The following MXRA7 variants were observed in gnomAD, a reference collection of about 807,000 sequenced individuals.
MXRA7 encodes matrix-remodeling-associated protein 7.
MXRA7 carries 18 observed loss-of-function variants against 17.4 expected under a neutral mutation model. The observed-to-expected ratio is 1.03, with a 90% CI of 0.71 to 1.53. The LOEUF is 1.53. Ranked by LOEUF, MXRA7 falls within the 40% of genes most tolerant of loss-of-function variation. MXRA7 has a pLI of 0.00. For synonymous variants in MXRA7, 70 were observed against 101.7 expected (o/e 0.69, Z 1.87); for missense variants, 141 against 209.3 (o/e 0.67, Z 2.01).
chr17:76,680,726 G>T lies in MXRA7; in HGVS notation c.*141C>A, dbSNP rs1024320647. 4.7e-6 allele frequency: 7 copies of T among 1,478,222 alleles called. No homozygotes were observed. Among genetic ancestry groups the T allele is most frequent in the Non-Finnish European group, 6.3e-6 (7 of 1,115,798 alleles). The allele number at this position is 1,478,222 out of a possible 1,614,324, so 91.6% of individuals were successfully genotyped here. On this transcript the variant is annotated 3_prime_UTR_variant, in exon 4 of 4. Coordinates refer to ENST00000449428, the MANE Select transcript of MXRA7 (RefSeq NM_198530.4). ...GCCAAGGGACAAGTCCTGATTGAGG[G>T]TCTAGAGCTCAGCAGATTTATGGAG...
chr17:76,677,794 CCT>C (rs1598329768), downstream of MXRA7: 2 of 846,360 alleles, frequency 2.4e-6, no homozygotes, highest in East Asian at 2.4e-5. Context: ...TTGGGACTCT[CCT>C]CTCTCTTGTG....
chr17:76,690,693 T>G (rs1235920585), intron 1 of MXRA7, among the ~76,000 whole-genome samples: 1 of 152,122 alleles, frequency 6.6e-6, no homozygotes, highest in African/African-American at 2.4e-5. Flanking sequence ...CGGCCCCCAG[T>G]TCTTGACACA....
At chr17:76,697,764 C>T in intron 1 of MXRA7, among the ~76,000 whole-genome samples, 1 of 152,314 alleles carries the variant, frequency 6.6e-6, no homozygotes, top group East Asian at 1.9e-4. Context: ...GGGGCCCGGC[C>T]AGGCTGCAGT....
At chr17:76,678,190 C>T (rs1460928176), downstream of MXRA7, among the ~76,000 whole-genome samples, 5 of 152,158 alleles carry the variant, frequency 3.3e-5, no homozygotes, top group Admixed American at 2.0e-4. Context: ...GTGTGCAAGA[C>T]GGTGCTTGGC....
intron 1 of MXRA7, chr17:76,689,697 C>A (rs1014181701): frequency 1.3e-5 from 2 of 152,030 alleles, no homozygotes; most frequent in African/African-American, 4.8e-5. Context: ...TGACTCTGAC[C>A]GCGTGCAGTT....
rs548946865 is a variant in MXRA7, at chr17:76,700,829, G to A, written c.342+9776C>T. On this transcript the variant is annotated intron_variant, in intron 1 of 3. Transcript: ENST00000449428. ...GGAGAGAGAGAGAGAGTGGGCGGGC[G>A]GCAGGCGGGGGACTTTACATCTGCT... 3.0e-4 allele frequency among the ~76,000 whole-genome samples: 46 copies of A among 152,282 alleles called. 2 individuals are homozygous for A. In the South Asian group the frequency reaches 9.1e-3, roughly 30 times the overall value.
At chr17:76,685,212 GC>G in intron 2 of MXRA7, 47 bp from the exon 3 acceptor site, 1 of 1,453,058 alleles carries the variant, frequency 6.9e-7, no homozygotes, top group Non-Finnish European at 9.7e-7. Context: ...GTAGAGGCTG[GC>G]CCCACAAACC....
chr17:76,696,009 C>A (rs2076529959), intron 1 of MXRA7, among the ~76,000 whole-genome samples: 1 of 151,996 alleles, frequency 6.6e-6, no homozygotes, highest in Non-Finnish European at 1.5e-5. Context: ...GGAGGAGAAT[C>A]TCTTGAACCC....
intron 1 of MXRA7, among the ~76,000 whole-genome samples, chr17:76,696,589 C>T (rs779501152): frequency 3.3e-5 from 5 of 151,394 alleles, no homozygotes; most frequent in Non-Finnish European, 5.9e-5. Context: ...AAAATAAACA[C>T]GGACAAACAG....
chr17:76,691,963 G>A (rs913714305), intron 1 of MXRA7, among the ~76,000 whole-genome samples: 8 of 152,160 alleles, frequency 5.3e-5, no homozygotes, highest in African/African-American at 1.4e-4. Flanking sequence ...TCCAGGGCGA[G>A]GAGTCCATGA....
chr17:76,682,396 T>C (rs1288956430), intron 3 of MXRA7, among the ~76,000 whole-genome samples: 1 of 152,154 alleles, frequency 6.6e-6, no homozygotes, highest in Non-Finnish European at 1.5e-5. Context: ...AGCACCCTGC[T>C]AGCTGGCCTG....
exon 4 of MXRA7, chr17:76,673,325 G>A (rs2076216370): frequency 6.6e-6 from 1 of 152,252 alleles, no homozygotes; most frequent in African/African-American, 2.4e-5. Context: ...CTCCTGCAGT[G>A]AGAAGTAGAG....
At chr17:76,707,291 CTTTTTTTTTTTTTTTT>C (rs56067261) in intron 1 of MXRA7, among the ~76,000 whole-genome samples, 19 of 96,120 alleles carry the variant, frequency 2.0e-4, no homozygotes, top group Admixed American at 5.8e-4. Context: ...AGTCCCTACT[CTTTTTTTTTTTTTTTT>C]TTTTTTTTTT....
intron 1 of MXRA7, among the ~76,000 whole-genome samples, chr17:76,695,194 C>T (rs377743602): frequency 1.5e-4 from 23 of 152,182 alleles, no homozygotes; most frequent in African/African-American, 5.3e-4. Flanking sequence ...AACAATAAAA[C>T]CACCAGTGTT....
At chr17:76,698,366 G>C (rs991472179) in intron 1 of MXRA7, among the ~76,000 whole-genome samples, 2 of 152,196 alleles carry the variant, frequency 1.3e-5, no homozygotes, top group Middle Eastern at 3.4e-3. Context: ...CAATGGGCGG[G>C]GGGGGAGCAG....
chr17:76,695,561 C>T (rs966057565), intron 1 of MXRA7, among the ~76,000 whole-genome samples: 2 of 151,974 alleles, frequency 1.3e-5, no homozygotes, highest in Non-Finnish European at 2.9e-5. Context: ...GGAGTGTGCA[C>T]GGTGGGGGCC....
At chr17:76,679,025 T>G (rs1462339535), downstream of MXRA7, among the ~76,000 whole-genome samples, 1 of 152,182 alleles carries the variant, frequency 6.6e-6, no homozygotes, top group East Asian at 1.9e-4. Context: ...TCAGGTGCAG[T>G]GGCTCATGCC....
intron 1 of MXRA7, among the ~76,000 whole-genome samples, chr17:76,697,819 C>T (rs962528467): frequency 2.4e-4 from 36 of 152,000 alleles, no homozygotes; most frequent in Non-Finnish European, 4.4e-4. Context: ...GCAGGCTGCA[C>T]GCTGCCATTT....
chr17:76,702,606 T>C (rs1201036441), intron 1 of MXRA7, among the ~76,000 whole-genome samples: 2 of 152,084 alleles, frequency 1.3e-5, no homozygotes, highest in African/African-American at 4.8e-5. Flanking sequence ...TCCCAGTACT[T>C]TGGGAGGCCA....
Sources: gnomAD v4.1 joint callset for allele counts (sites outside exome capture counted in the v4.1 genomes callset) on GRCh38, gnomAD v4.1.1 for gene constraint, MANE v1.5 for transcripts, NCBI Gene and HGNC (gene_info 2026-07-23, HGNC 2026-07-21) for gene names.